ZC3H13: variants seen among roughly 807,000 people sequenced by gnomAD.
ZC3H13 encodes zinc finger CCCH domain-containing protein 13.
A neutral mutation model predicts 204.1 loss-of-function variants in ZC3H13; 64 were observed. The ratio of observed to expected loss-of-function variants is 0.31; its 90% confidence interval spans 0.26 to 0.39. The LOEUF (loss-of-function observed/expected upper bound fraction) is 0.39. Ranked by LOEUF, ZC3H13 falls within the 10% of genes least tolerant of loss-of-function variation. The probability of loss-of-function intolerance (pLI) is 1.00; values close to 1 mark genes in which losing one functional copy is unlikely to be tolerated. For missense variants in ZC3H13, 1,833 were observed against 2,082.7 expected, an observed-to-expected ratio of 0.88 and a Z score of 2.33; for synonymous variants, 667 against 693.7, an observed-to-expected ratio of 0.96 and a Z score of 0.60.
Position 45,985,770 on chromosome 13 carries a change from C to T in ZC3H13, c.1256-9G>A, listed in dbSNP as rs754847205. ...TCGTTTGCCCCTAGTATCTGTAATGCAATTTTGGAAATTGACTGTAATTGC... is the reference window on the plus strand; with the variant it reads ...TCGTTTGCCCCTAGTATCTGTAATGTAATTTTGGAAATTGACTGTAATTGC... On this transcript the variant is annotated splice_polypyrimidine_tract_variant and intron_variant, in intron 9 of 18. Transcript: ENST00000679008. 16 of 1,572,158 alleles carry T rather than the reference C, an allele frequency of 1.0e-5. No individual in the cohort carries two copies. The highest frequency in any genetic ancestry group is 3.4e-4 in the Middle Eastern group (2 of 5,832).
Position 45,959,559 on chromosome 13 carries a change from T to C in ZC3H13, c.4763A>G (p.Asn1588Ser), listed in dbSNP as rs1177741946. The C allele has an allele frequency of 5.2e-6, 8 of 1,549,234 alleles. No homozygotes were observed. The Admixed American group carries it at 7.9e-5, about 15-fold the overall frequency. Reference protein sequence around the residue: ...RKEERASLLSNLGPCCKALCF... With the variant: ...RKEERASLLSSLGPCCKALCF... ...CAACGCCTTACAACATGGGCCAAGA[T>C]TACTAAGAAGACTTGCTCTTTCTTC... The change falls in exon 18 of 19, where the codon AAT becomes AGT. Residue 1588 changes from asparagine to serine, a missense_variant. Coordinates refer to ENST00000679008, the MANE Select transcript of ZC3H13 (RefSeq NM_001330564.2).
chr13:45,971,956 C>T (rs1210224402), intron 12 of ZC3H13, among the ~76,000 whole-genome samples: 2 of 151,954 alleles, frequency 1.3e-5, no homozygotes, highest in African/African-American at 4.8e-5. Context: ...CAATGAGATG[C>T]CACCTTACTC....
At chr13:45,973,176 T>C (rs192670076) in intron 12 of ZC3H13, among the ~76,000 whole-genome samples, 74 of 152,222 alleles carry the variant, frequency 4.9e-4, no homozygotes, top group Middle Eastern at 6.8e-3. Flanking sequence ...TGGAATAAAG[T>C]GAAAATTTAA....
chr13:46,023,861 A>C (rs2042372850), intron 4 of ZC3H13, among the ~76,000 whole-genome samples: 1 of 152,216 alleles, frequency 6.6e-6, no homozygotes, highest in Admixed American at 6.6e-5. Flanking sequence ...CATAATAAGA[A>C]GCAATCTGGG....
At chr13:46,023,133 G>T (rs2042322103) in intron 4 of ZC3H13, among the ~76,000 whole-genome samples, 1 of 152,108 alleles carries the variant, frequency 6.6e-6, no homozygotes, top group African/African-American at 2.4e-5. Context: ...AGTAACTAGA[G>T]TATAAAAATG....
chr13:46,009,762 T>C (rs1313324821), intron 7 of ZC3H13, among the ~76,000 whole-genome samples: 1 of 152,134 alleles, frequency 6.6e-6, no homozygotes, highest in Admixed American at 6.6e-5. Context: ...TCTACAGTAA[T>C]TCTAAGTTAT....
rs144227397 is a variant in ZC3H13, at chr13:46,003,244, T to C, written c.839A>G (p.Tyr280Cys). The C allele has an allele frequency of 1.9e-6, 3 of 1,613,388 alleles. No individual in the cohort carries two copies. Among genetic ancestry groups the C allele is most frequent in the Non-Finnish European group, 2.5e-6 (3 of 1,179,812 alleles). The part of the protein sequence containing the change: ...IPEDIALGKK[Y>C]KEKYKVKDRI... ...GTCTTTTACTTTATATTTTTCTTTGTATTTTTTCCCCAGAGCGATATCTTC... is the reference window on the plus strand; with the variant it reads ...GTCTTTTACTTTATATTTTTCTTTGCATTTTTTCCCCAGAGCGATATCTTC... Residue 280 changes from tyrosine to cysteine, a missense_variant, in exon 8 of 19, where the codon TAC becomes TGC. Physicochemically the swap from Tyr to Cys is radical, Grantham distance 194. This residue lies in a region of ZC3H13 where 1,574 missense variants were observed against 1,757.2 expected (regional missense o/e 0.90). Transcript: ENST00000679008.
chr13:45,967,509 A>G lies in ZC3H13; in HGVS notation c.4316T>C (p.Leu1439Pro), dbSNP rs1369022970. 1 of 1,545,176 alleles carries G rather than the reference A, an allele frequency of 6.5e-7. No homozygotes were observed. The highest frequency in any genetic ancestry group is 8.7e-7 in the Non-Finnish European group (1 of 1,150,596). Residue 1439 changes from leucine (L) to proline (P), a missense_variant, in exon 15 of 19, where the codon CTG (leucine) becomes CCG (proline). Around this residue, in one of 5 missense-constraint regions of ZC3H13, gnomAD observed 1,574 missense variants for 1,757.2 expected, o/e 0.90. Coordinates refer to ENST00000679008, the MANE Select transcript of ZC3H13 (RefSeq NM_001330564.2). ...ACAACAGAGGTAGCACTCACCTTCC[A>G]GACTCTCAGTTCTCTCGGATTTATT... ...ETNKSERTESLEAGDDESKLD... is the reference protein window; with the variant it reads ...ETNKSERTESPEAGDDESKLD...
intron 10 of ZC3H13, among the ~76,000 whole-genome samples, chr13:45,982,530 A>T (rs1953735605): frequency 6.6e-6 from 1 of 152,222 alleles, no homozygotes; most frequent in South Asian, 2.1e-4. Flanking sequence ...GCCTGAAAGG[A>T]TGGAAAAAGA....
chr13:46,049,006 G>A (rs1351735372), intron 1 of ZC3H13, among the ~76,000 whole-genome samples: 1 of 151,992 alleles, frequency 6.6e-6, no homozygotes, highest in Non-Finnish European at 1.5e-5. Flanking sequence ...ACAAAAATTA[G>A]CTGGGTGTGG....
chr13:45,970,687 T>C (rs1952511323), intron 12 of ZC3H13, among the ~76,000 whole-genome samples: 2 of 152,198 alleles, frequency 1.3e-5, no homozygotes, highest in Admixed American at 1.3e-4. Flanking sequence ...TTCTTCTTCT[T>C]CTTCATTATA....
At chr13:46,047,221 A>T (rs946309259) in intron 1 of ZC3H13, among the ~76,000 whole-genome samples, 7 of 152,200 alleles carry the variant, frequency 4.6e-5, no homozygotes, top group African/African-American at 1.7e-4. Context: ...AAGATGGTGC[A>T]TCAAGGAAGG....
intron 10 of ZC3H13, among the ~76,000 whole-genome samples, chr13:45,983,990 T>C (rs1953944854): frequency 6.6e-6 from 1 of 152,230 alleles, no homozygotes; most frequent in South Asian, 2.1e-4. Context: ...TACACAGTTA[T>C]TCACTAAAGC....
Position 45,983,414 on chromosome 13 carries a change from T to TATATATATATATATATATA in ZC3H13, c.1720+1882_1720+1883insTATATATATATATATATAT, listed in dbSNP as rs10678022. ...AGCCCCTTCTACTTATATATATATA[T>TATATATATATATATATATA]TTTTTTTTTTTTTTTTTTTTTTTTT... On this transcript the variant is annotated intron_variant, in intron 10 of 18. Transcript: ENST00000679008. Among the ~76,000 whole-genome samples the TATATATATATATATATATA allele has an allele frequency of 2.0e-3, 41 of 20,526 alleles. 1 individual carries two copies. The highest frequency in any genetic ancestry group is 4.9e-3 in the African/African-American group (14 of 2,876). 13.5% of individuals were successfully genotyped at this position (20,526 alleles called of 152,430 possible).
chr13:45,963,428 T>G (rs1310593939), intron 17 of ZC3H13: 4 of 840,620 alleles, frequency 4.8e-6, no homozygotes, highest in Non-Finnish European at 5.7e-6. Context: ...GTTAATTTGT[T>G]TTTTTTTTTT....
At chr13:45,959,925 A>T (rs1219138616) in intron 17 of ZC3H13, among the ~76,000 whole-genome samples, 3 of 148,854 alleles carry the variant, frequency 2.0e-5, no homozygotes, top group South Asian at 2.1e-4. Context: ...AGCCCAGGGA[A>T]TTTTTTTTTT....
chr13:46,014,663 T>G (rs945951204), intron 5 of ZC3H13, among the ~76,000 whole-genome samples: 6 of 152,344 alleles, frequency 3.9e-5, no homozygotes, highest in African/African-American at 1.4e-4. Context: ...TACTTTGCCT[T>G]TATGATACAT....
chr13:45,979,812 C>CCT lies in ZC3H13; in HGVS notation c.1911_1912dup (p.Asp638GlufsTer29). The CCT allele has an allele frequency of 1.3e-6, 2 of 1,556,460 alleles. No homozygotes were observed. The highest frequency in any genetic ancestry group is 1.7e-6 in the Non-Finnish European group (2 of 1,156,564). ...ATTTAATAAAATTCTGTTTGACAAA[C>CCT]CTCTCTCTCTGTTGTCACGACGGTC... On this transcript the variant is annotated frameshift_variant and splice_region_variant. Coordinates refer to ENST00000679008, the MANE Select transcript of ZC3H13 (RefSeq NM_001330564.2). LOFTEE classifies it high-confidence loss of function.
At position 46,011,536 on chromosome 13, in the gene ZC3H13, A is replaced by G. The variant is rs149026117; in HGVS notation, c.467T>C (p.Ile156Thr). 4 of 1,586,660 alleles carry G rather than the reference A, an allele frequency of 2.5e-6. No homozygotes were observed. The highest frequency in any genetic ancestry group is 2.7e-5 in the African/African-American group (2 of 73,900). The stretch of plus-strand genomic sequence containing the variant: ...CAATTCATGAACATAATCATAATTA[A>G]TATCTCCATTGTCAGAATCTTTAAA... ...TNRDDSDNGD[I>T]NYDYVHELSL... Residue 156 changes from isoleucine to threonine, a missense_variant, in exon 6 of 19, where the codon ATT (isoleucine) becomes ACT (threonine). By Grantham distance (89) the Ile-to-Thr change is moderately conservative (BLOSUM62 -1). This residue lies in a region of ZC3H13 where 1,574 missense variants were observed against 1,757.2 expected (regional missense o/e 0.90). Transcript: ENST00000679008.
Sources: allele counts gnomAD v4.1 joint callset (sites outside exome capture counted in the v4.1 genomes callset), GRCh38; gene constraint gnomAD v4.1.1; regional missense constraint gnomAD v4.1.1; transcripts MANE v1.5; gene names NCBI Gene and HGNC (gene_info 2026-07-23, HGNC 2026-07-21).